The following FBXL13 variants were observed in gnomAD, a reference collection of about 807,000 sequenced individuals.
FBXL13 encodes the protein F-box and leucine-rich repeat protein 13.
FBXL13 carries 67 observed loss-of-function variants against 83.6 expected under a neutral mutation model. That is an observed-to-expected ratio of 0.80 (90% CI 0.66 to 0.98). The LOEUF (loss-of-function observed/expected upper bound fraction) is 0.98, where lower values mean the gene tolerates loss of function less well. Among genes scored for constraint, FBXL13 ranks in the 50% least tolerant of loss-of-function variants. The probability of loss-of-function intolerance (pLI) is 0.00; values close to 1 mark genes in which losing one functional copy is unlikely to be tolerated. For synonymous variants in FBXL13, 272 were observed against 299.5 expected (o/e 0.91, Z 0.95); for missense variants, 822 against 866.5 (o/e 0.95, Z 0.64).
chr7:103,040,959 G>A (rs1563259754), intron 2 of FBXL13, among the ~76,000 whole-genome samples: 1 of 152,022 alleles, frequency 6.6e-6, no homozygotes, highest in Non-Finnish European at 1.5e-5. Context: ...GCTAGCAGAA[G>A]GCAAGAAATA....
intron 6 of FBXL13, among the ~76,000 whole-genome samples, chr7:103,012,571 C>T (rs1452556475): frequency 3.9e-5 from 6 of 152,104 alleles, no homozygotes; most frequent in East Asian, 3.9e-4. Context: ...TCCTAAACAA[C>T]GGAGAAATAA....
At chr7:102,875,450 G>A (rs117657913) in intron 16 of FBXL13, among the ~76,000 whole-genome samples, 3 of 152,042 alleles carry the variant, frequency 2.0e-5, no homozygotes, top group Non-Finnish European at 4.4e-5. Flanking sequence ...CATCATATGG[G>A]GGGTCTGTTC....
chr7:102,933,867 TTGTTCCG>T, intron 8 of FBXL13: 1 of 1,504,348 alleles, frequency 6.6e-7, no homozygotes, highest in Non-Finnish European at 8.9e-7. Flanking sequence ...AATACTTTCA[TTGTTCCG>T]TCTGTAACAC....
At chr7:103,020,495 A>T (rs1585395055) in intron 6 of FBXL13, among the ~76,000 whole-genome samples, 1 of 152,216 alleles carries the variant, frequency 6.6e-6, no homozygotes, top group South Asian at 2.1e-4. Context: ...CAAGAGAAAG[A>T]AATAAAGGGT....
At chr7:102,834,032 T>TGAAGGAAG (rs199540401) in intron 17 of FBXL13, among the ~76,000 whole-genome samples, 1,956 of 75,372 alleles carry the variant, frequency 0.026, 73 homozygotes, top group Middle Eastern at 0.039. Context: ...GAAACCATGA[T>TGAAGGAAG]GAAGGAAGGA....
At chr7:102,812,413 T>C (rs192555372), downstream of FBXL13, among the ~76,000 whole-genome samples, 1 of 152,368 alleles carries the variant, frequency 6.6e-6, no homozygotes, top group East Asian at 1.9e-4. Flanking sequence ...TTCTGAGACA[T>C]TGCAGGGACA....
intron 1 of FBXL13, among the ~76,000 whole-genome samples, chr7:103,065,280 ATAAT>A (rs1411496500): frequency 6.6e-6 from 1 of 152,250 alleles, no homozygotes; most frequent in African/African-American, 2.4e-5. Context: ...AGTTTCAACA[ATAAT>A]TATTCTGTGA....
intron 6 of FBXL13, among the ~76,000 whole-genome samples, chr7:103,010,920 C>T (rs1349060220): frequency 6.6e-6 from 1 of 152,124 alleles, no homozygotes; most frequent in African/African-American, 2.4e-5. Context: ...AGAGAGTAAT[C>T]GGAGGTGGGA....
intron 2 of FBXL13, among the ~76,000 whole-genome samples, chr7:103,053,567 A>G (rs1440066178): frequency 6.6e-6 from 1 of 152,164 alleles, no homozygotes; most frequent in Non-Finnish European, 1.5e-5. Context: ...TTACCACGCT[A>G]AATCAGTGGT....
At chr7:103,050,105 C>G (rs966014449) in intron 2 of FBXL13, 1 of 152,176 alleles carries the variant, frequency 6.6e-6, no homozygotes, top group Non-Finnish European at 1.5e-5. Flanking sequence ...CTCTTTATGA[C>G]AGAACAATAC....
intron 19 of FBXL13, among the ~76,000 whole-genome samples, chr7:102,816,511 C>G (rs565013827): frequency 6.6e-6 from 1 of 152,256 alleles, no homozygotes; most frequent in South Asian, 2.1e-4. Context: ...TAACCTAAGA[C>G]CCAGGACCTT....
chr7:103,006,201 G>A (rs1235313090), intron 6 of FBXL13, among the ~76,000 whole-genome samples: 2 of 152,188 alleles, frequency 1.3e-5, no homozygotes, highest in African/African-American at 4.8e-5. Context: ...TGGAGTTCAA[G>A]TTTGTTGAGG....
chr7:102,972,098 A>G (rs1288903695), intron 6 of FBXL13, among the ~76,000 whole-genome samples: 1 of 152,202 alleles, frequency 6.6e-6, no homozygotes, highest in Non-Finnish European at 1.5e-5. Context: ...ACCCTTCACA[A>G]AGGAACTTCT....
rs141591424 is a variant in FBXL13, at chr7:103,070,673, G to A, written c.-105+3573C>T. On this transcript the variant is annotated intron_variant, in intron 1 of 19. Transcript: ENST00000313221. ...TGCCAGCATCTGCTCGGCTTCTGGCGAAGGCCTCAGGAAGCTTTTACTCAC... is the reference window on the plus strand; with the variant it reads ...TGCCAGCATCTGCTCGGCTTCTGGCAAAGGCCTCAGGAAGCTTTTACTCAC... Among the ~76,000 whole-genome samples, 359 of 152,300 alleles carry A rather than the reference G, an allele frequency of 2.4e-3. 2 individuals carry two copies. The highest frequency in any genetic ancestry group is 8.2e-3 in the African/African-American group (339 of 41,540).
At position 103,052,499 on chromosome 7, in the gene FBXL13, A is replaced by C. The variant is rs192287517; in HGVS notation, c.-1+3145T>G. ...GACGGTGGAGGAGAAATTAATGTGGATCCAACCTAGGTTGAGCCCTCTAAC... is the reference window on the plus strand; with the variant it reads ...GACGGTGGAGGAGAAATTAATGTGGCTCCAACCTAGGTTGAGCCCTCTAAC... On this transcript the variant is annotated intron_variant, in intron 2 of 19. Transcript: ENST00000313221. Among the ~76,000 whole-genome samples the C allele has an allele frequency of 1.2e-3, 178 of 152,324 alleles. 1 individual carries two copies. The highest frequency in any genetic ancestry group is 3.8e-3 in the African/African-American group (158 of 41,568).
chr7:103,058,309 A>C (rs1221496089), intron 1 of FBXL13, among the ~76,000 whole-genome samples: 2 of 152,226 alleles, frequency 1.3e-5, no homozygotes, highest in Non-Finnish European at 2.9e-5. Context: ...AGCCACCTGC[A>C]GACTGACTTC....
chr7:102,961,665 C>T (rs1825232947), intron 8 of FBXL13, among the ~76,000 whole-genome samples: 1 of 151,644 alleles, frequency 6.6e-6, no homozygotes, highest in Non-Finnish European at 1.5e-5. Context: ...AGAACAGAGC[C>T]CTCAGAAATA....
At chr7:102,928,074 A>G (rs1167323532) in intron 9 of FBXL13, among the ~76,000 whole-genome samples, 1 of 152,224 alleles carries the variant, frequency 6.6e-6, no homozygotes, top group Non-Finnish European at 1.5e-5. Flanking sequence ...TCATAAAGAA[A>G]TCTGACTTTC....
At chr7:102,984,548 T>C (rs1227793997) in intron 6 of FBXL13, among the ~76,000 whole-genome samples, 1 of 152,210 alleles carries the variant, frequency 6.6e-6, no homozygotes, top group African/African-American at 2.4e-5. Flanking sequence ...AAGAGAAGAT[T>C]GATGTCCCAG....
Sources: allele counts gnomAD v4.1 joint callset (sites outside exome capture counted in the v4.1 genomes callset), GRCh38; gene constraint gnomAD v4.1.1; transcripts MANE v1.5; gene names NCBI Gene and HGNC (gene_info 2026-07-23, HGNC 2026-07-21).